NOS1AP: variants seen among roughly 807,000 people sequenced by gnomAD.
The protein encoded by NOS1AP is nitric oxide synthase 1 adaptor protein.
In NOS1AP, 21 loss-of-function variants were observed where a neutral mutation model predicts 56.2. That is an observed-to-expected ratio of 0.37 (90% CI 0.26 to 0.54). The LOEUF (loss-of-function observed/expected upper bound fraction) is 0.54. Among genes scored for constraint, NOS1AP ranks in the 20% least tolerant of loss-of-function variants. The probability of loss-of-function intolerance (pLI) is 0.84; values close to 1 mark genes in which losing one functional copy is unlikely to be tolerated. For missense variants in NOS1AP, 522 were observed against 657.8 expected (o/e 0.79, Z 2.26); for synonymous variants, 270 against 274.6 (o/e 0.98, Z 0.17).
chr1:162,222,630 T>G (rs747853168), intron 2 of NOS1AP, among the ~76,000 whole-genome samples: 1 of 152,242 alleles, frequency 6.6e-6, no homozygotes, highest in Non-Finnish European at 1.5e-5. Flanking sequence ...CTCAACTTAG[T>G]TCATAACCCA....
intron 2 of NOS1AP, among the ~76,000 whole-genome samples, chr1:162,207,187 A>G (rs926489616): frequency 6.6e-6 from 1 of 152,258 alleles, no homozygotes. Context: ...AGGAGATTCT[A>G]TACCAGCATC....
At chr1:162,305,651 C>T (rs1188864064) in intron 4 of NOS1AP, among the ~76,000 whole-genome samples, 2 of 152,076 alleles carry the variant, frequency 1.3e-5, no homozygotes, top group East Asian at 1.9e-4. Context: ...AAAATATTAG[C>T]GTTTAATAGA....
chr1:162,305,814 G>A (rs140451774), intron 4 of NOS1AP, among the ~76,000 whole-genome samples: 51 of 152,226 alleles, frequency 3.4e-4, no homozygotes, highest in African/African-American at 1.2e-3. Flanking sequence ...TAGTGGAGTT[G>A]GAGTTCAAAC....
At chr1:162,134,845 C>G (rs898742259) in intron 1 of NOS1AP, among the ~76,000 whole-genome samples, 9 of 152,144 alleles carry the variant, frequency 5.9e-5, no homozygotes, top group African/African-American at 2.2e-4. Context: ...CTGCACATGA[C>G]TTAAGAGTAG....
At chr1:162,162,110 T>C (rs191137898) in intron 2 of NOS1AP, among the ~76,000 whole-genome samples, 199 of 152,370 alleles carry the variant, frequency 1.3e-3, no homozygotes, top group South Asian at 2.1e-3. Flanking sequence ...TCTGGACTGT[T>C]GGAAGGGCCG....
intron 1 of NOS1AP, among the ~76,000 whole-genome samples, chr1:162,083,397 AT>A (rs762783674): frequency 4.6e-5 from 7 of 152,080 alleles, no homozygotes; most frequent in Non-Finnish European, 1.0e-4. Context: ...CTGTAACTAC[AT>A]TTTCAAATTG....
At chr1:162,256,212 C>T (rs760406593) in intron 2 of NOS1AP, among the ~76,000 whole-genome samples, 1 of 152,086 alleles carries the variant, frequency 6.6e-6, no homozygotes, top group African/African-American at 2.4e-5. Flanking sequence ...GGACAGATAG[C>T]ATCCTCAGCT....
intron 4 of NOS1AP, among the ~76,000 whole-genome samples, chr1:162,303,525 T>G (rs1655726479): frequency 6.6e-6 from 1 of 152,204 alleles, no homozygotes; most frequent in South Asian, 2.1e-4. Context: ...CACTGCAGCC[T>G]CAACCTTCTG....
intron 1 of NOS1AP, among the ~76,000 whole-genome samples, chr1:162,137,042 C>T (rs769173137): frequency 1.8e-4 from 28 of 152,096 alleles, no homozygotes; most frequent in African/African-American, 4.3e-4. Flanking sequence ...TCTGAATTTC[C>T]GTTCTACCCT....
At chr1:162,251,859 TTTTTTTTTTG>T (rs1166571201) in intron 2 of NOS1AP, among the ~76,000 whole-genome samples, 2 of 117,756 alleles carry the variant, frequency 1.7e-5, no homozygotes, top group Non-Finnish European at 3.6e-5. Context: ...AGCTAGTTGT[TTTTTTTTTTG>T]TTTTTTTTTT....
Position 162,154,423 on chromosome 1 carries a change from G to A in NOS1AP, c.124G>A (p.Val42Met), listed in dbSNP as rs1485553225. The A allele has an allele frequency of 3.1e-6, 5 of 1,614,094 alleles. No homozygotes were observed. The highest frequency in any genetic ancestry group is 4.2e-6 in the Non-Finnish European group (5 of 1,179,976). The change falls in exon 2 of 10, where the codon GTG (valine) becomes ATG (methionine). Residue 42 changes from valine to methionine, a missense_variant. Around this residue, in one of 4 missense-constraint regions of NOS1AP, gnomAD observed 132 missense variants for 218.1 expected, o/e 0.61. Coordinates refer to ENST00000361897, the MANE Select transcript of NOS1AP (RefSeq NM_014697.3). ...CCCACAGTACGTAGGAAGCCTGGAC[G>A]TGCCAAGGCCCAACAGCAGGGTGGA... ...FEAKYVGSLD[V>M]PRPNSRVEIV...
At chr1:162,338,757 G>A (rs1406340726) in intron 5 of NOS1AP, 2 of 152,072 alleles carry the variant, frequency 1.3e-5, no homozygotes, top group Non-Finnish European at 2.9e-5. Flanking sequence ...TTTTTCTATG[G>A]GCCAGTGAGG....
Position 162,087,977 on chromosome 1 carries a change from G to GA in NOS1AP, c.105+17703dup, listed in dbSNP as rs1237903016. Among the ~76,000 whole-genome samples the GA allele has an allele frequency of 1.2e-4, 18 of 151,898 alleles. No homozygotes were observed. The East Asian group carries it at 1.4e-3, about 11-fold the overall frequency. On this transcript the variant is annotated intron_variant, in intron 1 of 9. Coordinates refer to ENST00000361897, the MANE Select transcript of NOS1AP (RefSeq NM_014697.3). ...ATATTTATACCTTTTGCTGCTCTGT[G>GA]AAAAAAAATCCTTTAAAGTCTAGTC...
At chr1:162,147,707 G>A (rs1558122211) in intron 1 of NOS1AP, among the ~76,000 whole-genome samples, 1 of 152,214 alleles carries the variant, frequency 6.6e-6, no homozygotes. Context: ...TTTGCAGTTA[G>A]CTCCTGCTTA....
chr1:162,095,269 C>T (rs1432054430), intron 1 of NOS1AP, among the ~76,000 whole-genome samples: 1 of 152,120 alleles, frequency 6.6e-6, no homozygotes, highest in Non-Finnish European at 1.5e-5. Context: ...TAGCGTGGTC[C>T]TCATGAGTGG....
At chr1:162,316,324 T>C (rs1656226795) in intron 4 of NOS1AP, among the ~76,000 whole-genome samples, 1 of 152,232 alleles carries the variant, frequency 6.6e-6, no homozygotes. Flanking sequence ...AGAAGTCGAA[T>C]GACTTTGTTC....
At chr1:162,289,497 C>T (rs1376146168) in intron 3 of NOS1AP, among the ~76,000 whole-genome samples, 33 of 93,058 alleles carry the variant, frequency 3.5e-4, no homozygotes, top group African/African-American at 8.7e-4. Context: ...TTTTTTGAGA[C>T]GGAGTCTCGC....
intron 6 of NOS1AP, among the ~76,000 whole-genome samples, chr1:162,347,572 G>T (rs1657344329): frequency 6.6e-6 from 1 of 152,140 alleles, no homozygotes; most frequent in Admixed American, 6.5e-5. Flanking sequence ...AGAACCACCT[G>T]GATAGCATTT....
chr1:162,365,471 A>G lies in NOS1AP; in HGVS notation c.1007A>G (p.His336Arg), dbSNP rs1308256354. The G allele has an allele frequency of 6.2e-7, 1 of 1,613,896 alleles. No individual in the cohort carries two copies. Among genetic ancestry groups the G allele is most frequent in the African/African-American group, 1.3e-5 (1 of 74,926 alleles). The change falls in exon 9 of 10, where the codon CAT (histidine) becomes CGT (arginine). Residue 336 changes from histidine to arginine, a missense_variant. His to Arg is a conservative substitution (Grantham distance 29). This residue lies in a region of NOS1AP where 52 missense variants were observed against 94.5 expected (regional missense o/e 0.55). Transcript: ENST00000361897. ...AARLEAQARV[H>R]QLLLQNKDML... ...CGGCTGGAGGCCCAGGCTCGCGTGC[A>G]TCAGCTTTTGCTGCAGAACAAGGAC...
Sources: gnomAD v4.1 joint callset for allele counts (sites outside exome capture counted in the v4.1 genomes callset) on GRCh38, gnomAD v4.1.1 for gene constraint, gnomAD v4.1.1 regional missense constraint, MANE v1.5 for transcripts, NCBI Gene and HGNC (gene_info 2026-07-23, HGNC 2026-07-21) for gene names.